The following ANLN variants were observed in gnomAD, a reference collection of about 807,000 sequenced individuals.
ANLN encodes anillin.
A neutral mutation model predicts 135.1 loss-of-function variants in ANLN; 59 were observed. That is an observed-to-expected ratio of 0.44 (90% CI 0.35 to 0.54). The LOEUF (loss-of-function observed/expected upper bound fraction) is 0.54, where lower values mean the gene tolerates loss of function less well. Ranked by LOEUF, ANLN falls within the 20% of genes least tolerant of loss-of-function variation. The probability of loss-of-function intolerance (pLI) is 0.00; values close to 1 mark genes in which losing one functional copy is unlikely to be tolerated. For synonymous variants in ANLN, 406 were observed against 456.4 expected (o/e 0.89, Z 1.41); for missense variants, 1,182 against 1,340.0 (o/e 0.88, Z 1.84).
chr7:36,430,914 A>C (rs1249491981), intron 20 of ANLN, among the ~76,000 whole-genome samples: 2 of 152,196 alleles, frequency 1.3e-5, no homozygotes, highest in African/African-American at 4.8e-5. Flanking sequence ...TTTTCACACA[A>C]GTCTCCCTCC....
chr7:36,427,775 T>C (rs1468702493), intron 20 of ANLN, among the ~76,000 whole-genome samples: 1 of 152,258 alleles, frequency 6.6e-6, no homozygotes, highest in Non-Finnish European at 1.5e-5. Flanking sequence ...TTCCTTCTCA[T>C]ACTTCCCTTT....
chr7:36,432,576 CTGAA>C (rs780309630), intron 20 of ANLN, among the ~76,000 whole-genome samples: 74 of 152,208 alleles, frequency 4.9e-4, no homozygotes, highest in Non-Finnish European at 6.5e-4. Context: ...TTTCTCCTGA[CTGAA>C]TGGTGCCATG....
intron 22 of ANLN, 74 bp from the exon 23 acceptor site, chr7:36,449,591 C>A: frequency 8.8e-7 from 1 of 1,141,772 alleles, no homozygotes. Flanking sequence ...TTTGTACCAA[C>A]TTAAATGCTG....
intron 22 of ANLN, 74 bp from the exon 23 acceptor site, chr7:36,449,590 AC>A: frequency 8.8e-7 from 1 of 1,131,066 alleles, no homozygotes; most frequent in Non-Finnish European, 1.2e-6. Context: ...ATTTGTACCA[AC>A]TTAAATGCTG....
intron 1 of ANLN, among the ~76,000 whole-genome samples, chr7:36,390,794 T>G (rs1786416517): frequency 6.6e-6 from 1 of 152,214 alleles, no homozygotes; most frequent in Admixed American, 6.5e-5. Flanking sequence ...ACATGGTTAT[T>G]GTGTCGATTT....
intron 12 of ANLN, among the ~76,000 whole-genome samples, chr7:36,421,314 C>G (rs1787866624): frequency 6.6e-6 from 1 of 151,938 alleles, no homozygotes; most frequent in Non-Finnish European, 1.5e-5. Context: ...GTGACCCACC[C>G]ACCTCAGCCT....
intron 13 of ANLN, among the ~76,000 whole-genome samples, chr7:36,422,301 CT>C (rs1482499102): frequency 6.6e-6 from 1 of 152,096 alleles, no homozygotes; most frequent in Non-Finnish European, 1.5e-5. Context: ...CTCTCTCTCT[CT>C]CTCTCCCTTC....
intron 12 of ANLN, 24 bp downstream of exon 12, chr7:36,420,768 C>T: frequency 6.2e-7 from 1 of 1,611,792 alleles, no homozygotes; most frequent in African/African-American, 1.3e-5. Flanking sequence ...TGGAAAGGGG[C>T]TTTGGAATGT....
chr7:36,452,608 A>C lies in ANLN; in HGVS notation c.*8A>C. 6.2e-7 allele frequency: 1 copy of C among 1,613,734 alleles called. No homozygotes were observed. The highest frequency in any genetic ancestry group is 8.5e-7 in the Non-Finnish European group (1 of 1,179,742). Reference sequence around the variant, plus strand: ...CCTATTGGAAAGCCTTAAACCGGGAAATTTCCATGCTATCTAGAGGTTTTT... The same window carrying C: ...CCTATTGGAAAGCCTTAAACCGGGACATTTCCATGCTATCTAGAGGTTTTT... On this transcript the variant is annotated 3_prime_UTR_variant, in exon 24 of 24. Transcript: ENST00000265748.
intron 20 of ANLN, among the ~76,000 whole-genome samples, chr7:36,431,603 A>C (rs1206602845): frequency 2.4e-5 from 1 of 41,632 alleles, no homozygotes; most frequent in African/African-American, 7.1e-5. Context: ...GTGTGTATAT[A>C]TATATATATA....
At chr7:36,410,461 C>A in intron 5 of ANLN, 53 bp from the exon 6 acceptor site, 3 of 1,447,670 alleles carry the variant, frequency 2.1e-6, no homozygotes, top group Non-Finnish European at 2.8e-6. Context: ...CCATAGAAAT[C>A]GTAATAATTT....
At position 36,407,675 on chromosome 7, in the gene ANLN, T is replaced by C. The variant is rs758391934; in HGVS notation, c.874-59T>C. The C allele has an allele frequency of 5.5e-6, 7 of 1,278,190 alleles. No homozygotes were observed. In the Admixed American group the frequency reaches 1.2e-4, roughly 22 times the overall value. The allele number at this position is 1,278,190 out of a possible 1,614,324, so 79.2% of individuals were successfully genotyped here. A position where few individuals can be genotyped will look rare whatever the true frequency, so the allele number is the denominator to read the frequency against. On this transcript the variant is annotated intron_variant, in intron 4 of 23. Coordinates refer to ENST00000265748, the MANE Select transcript of ANLN (RefSeq NM_018685.5). The stretch of plus-strand genomic sequence containing the variant: ...GTAAATAGGACTTGAATTGTTTTGT[T>C]ATAGGACTATTTTTAGATATTGTGA...
At chr7:36,412,132 C>T (rs1273029438) in intron 7 of ANLN, among the ~76,000 whole-genome samples, 1 of 151,430 alleles carries the variant, frequency 6.6e-6, no homozygotes, top group Non-Finnish European at 1.5e-5. Flanking sequence ...GCCCCTAGCA[C>T]ACATATGCAT....
chr7:36,398,257 T>C (rs1397371443), intron 2 of ANLN, among the ~76,000 whole-genome samples: 1 of 152,206 alleles, frequency 6.6e-6, no homozygotes, highest in Admixed American at 6.5e-5. Flanking sequence ...ATATTTGTAC[T>C]GGTGAATTTG....
At chr7:36,435,804 C>T (rs1029000076) in intron 20 of ANLN, among the ~76,000 whole-genome samples, 4 of 121,486 alleles carry the variant, frequency 3.3e-5, no homozygotes, top group East Asian at 2.8e-4. Flanking sequence ...ACCTGGGAGG[C>T]GGAGCTTGCA....
rs1020626680 is a variant in ANLN at position 36,422,543 on chromosome 7, C to T, written c.2300-90C>T. The T allele has an allele frequency of 6.9e-6, 8 of 1,163,162 alleles. No individual in the cohort carries two copies. The African/African-American group carries it at 7.8e-5, about 11-fold the overall frequency. The allele number at this position is 1,163,162 out of a possible 1,614,324, so 72.1% of individuals were successfully genotyped here. A position where few individuals can be genotyped will look rare whatever the true frequency, so the allele number is the denominator to read the frequency against. ...CTGATTTCGTCTTCGCTGTTACGTA[C>T]AGTTTCCATATCAGTACACTTTTTT... On this transcript the variant is annotated intron_variant, in intron 13 of 23. Coordinates refer to ENST00000265748, the MANE Select transcript of ANLN (RefSeq NM_018685.5).
rs147988151 is a variant in ANLN at position 36,420,642 on chromosome 7, A to G, written c.2061A>G (p.Pro687=). The G allele has an allele frequency of 1.9e-6, 3 of 1,613,604 alleles. No individual in the cohort carries two copies. The highest frequency in any genetic ancestry group is 2.2e-5 in the East Asian group (1 of 44,864). ...RSQRFKETER[P]SIKQVIVRKE... is the part of the protein sequence containing the mutation. ...AAAGATTCAAAGAAACAGAACGTCC[A>G]TCAATAAAGCAGGTGATTGTTCGGA... Residue 687 remains proline, a synonymous_variant, in exon 12 of 24, where the codon CCA becomes CCG. Coordinates refer to ENST00000265748, the MANE Select transcript of ANLN (RefSeq NM_018685.5).
intron 20 of ANLN, among the ~76,000 whole-genome samples, chr7:36,432,702 C>T (rs1312092737): frequency 6.6e-6 from 1 of 152,026 alleles, no homozygotes; most frequent in Non-Finnish European, 1.5e-5. Flanking sequence ...CCTTTCCTGC[C>T]TTCTTCTGGA....
chr7:36,452,424 G>T (rs1562829613), intron 23 of ANLN, 53 bp from the exon 24 acceptor site: 9 of 1,609,766 alleles, frequency 5.6e-6, no homozygotes, highest in Non-Finnish European at 2.5e-6. Flanking sequence ...GTACATGGGG[G>T]TATGGAATGG....
Sources: allele counts gnomAD v4.1 joint callset (sites outside exome capture counted in the v4.1 genomes callset), GRCh38; gene constraint gnomAD v4.1.1; transcripts MANE v1.5; gene names NCBI Gene and HGNC (gene_info 2026-07-23, HGNC 2026-07-21).